THSD7B: variants seen among roughly 807,000 people sequenced by gnomAD.
The protein encoded by THSD7B is thrombospondin type 1 domain containing 7B.
Under a neutral mutation model 213.6 loss-of-function variants are expected in THSD7B, and 138 were observed. The ratio of observed to expected loss-of-function variants is 0.65; its 90% CI spans 0.56 to 0.74. The LOEUF is 0.74. Among genes scored for constraint, THSD7B ranks in the 30% least tolerant of loss-of-function variants. The pLI is 0.00. For missense variants in THSD7B, 1,931 were observed against 1,991.5 expected (o/e 0.97, Z 0.58); for synonymous variants, 742 against 687.0 (o/e 1.08, Z -1.25).
chr2:137,531,795 G>T (rs1680402663), intron 15 of THSD7B, among the ~76,000 whole-genome samples: 1 of 151,934 alleles, frequency 6.6e-6, no homozygotes, highest in Admixed American at 6.6e-5. Context: ...CCACTACCTA[G>T]TATCTAATGC....
At chr2:137,052,474 T>C (rs1050859913) in intron 2 of THSD7B, among the ~76,000 whole-genome samples, 3 of 152,124 alleles carry the variant, frequency 2.0e-5, no homozygotes, top group African/African-American at 7.2e-5. Context: ...ATATAAAAAT[T>C]CTTGACATTT....
chr2:137,548,767 C>T (rs1573700296), intron 15 of THSD7B, among the ~76,000 whole-genome samples: 1 of 152,026 alleles, frequency 6.6e-6, no homozygotes, highest in Non-Finnish European at 1.5e-5. Context: ...TAGGGCTACT[C>T]ATCCTTGTCC....
At chr2:137,211,877 T>C (rs536511142) in intron 7 of THSD7B, among the ~76,000 whole-genome samples, 18 of 152,246 alleles carry the variant, frequency 1.2e-4, no homozygotes. Context: ...GCCTTTGCTG[T>C]TAGTCTTTCA....
chr2:137,262,249 C>A (rs1356657274), intron 10 of THSD7B, among the ~76,000 whole-genome samples: 1 of 152,194 alleles, frequency 6.6e-6, no homozygotes, highest in East Asian at 1.9e-4. Flanking sequence ...GTGACAGCAT[C>A]TTCAGCTTCA....
chr2:136,830,888 G>T lies in THSD7B; in HGVS notation c.-35-51256G>T, dbSNP rs565552863. 5.9e-5 allele frequency among the ~76,000 whole-genome samples: 9 copies of T among 152,214 alleles called. No individual in the cohort carries two copies. In the South Asian group the frequency reaches 1.9e-3, roughly 32 times the overall value. On this transcript the variant is annotated intron_variant, in intron 1 of 27. Coordinates refer to ENST00000409968, the MANE Select transcript of THSD7B (RefSeq NM_001316349.2). ...CTTAAAATTAGGAGTTTGATCTTGG[G>T]ATAAGTGATCCATAAATCCCCCTTG...
At chr2:137,484,177 C>G (rs912855019) in intron 15 of THSD7B, among the ~76,000 whole-genome samples, 1 of 139,446 alleles carries the variant, frequency 7.2e-6, no homozygotes, top group Non-Finnish European at 1.5e-5. Flanking sequence ...CCCCTCCCCC[C>G]ACCACACAAC....
chr2:137,214,444 TTATTA>T (rs1450376607), intron 7 of THSD7B, among the ~76,000 whole-genome samples: 1 of 152,126 alleles, frequency 6.6e-6, no homozygotes, highest in Non-Finnish European at 1.5e-5. Context: ...ACATTTTTAT[TTATTA>T]TATTTTAAGT....
At chr2:137,592,829 C>T (rs545694296) in intron 17 of THSD7B, among the ~76,000 whole-genome samples, 33 of 152,058 alleles carry the variant, frequency 2.2e-4, no homozygotes, top group African/African-American at 7.5e-4. Flanking sequence ...ATCTAGTACA[C>T]TACAGGATCT....
chr2:137,550,175 T>C (rs1271436514), intron 15 of THSD7B, among the ~76,000 whole-genome samples: 1 of 151,998 alleles, frequency 6.6e-6, no homozygotes, highest in Non-Finnish European at 1.5e-5. Flanking sequence ...ATGTGGGCTT[T>C]ACAGTTCAAC....
chr2:137,171,102 G>C (rs758934881), intron 7 of THSD7B, among the ~76,000 whole-genome samples, 164 bp downstream of exon 7: 6 of 152,088 alleles, frequency 3.9e-5, no homozygotes, highest in Non-Finnish European at 5.9e-5. Flanking sequence ...AAAGTAAGGT[G>C]CCGTGACTTA....
chr2:137,168,688 G>T (rs915653130), intron 6 of THSD7B, among the ~76,000 whole-genome samples: 2 of 152,196 alleles, frequency 1.3e-5, no homozygotes. Context: ...AAGTTTCTGT[G>T]CTCAAGTCTG....
intron 5 of THSD7B, among the ~76,000 whole-genome samples, chr2:137,148,657 T>G (rs1386121352): frequency 2.0e-5 from 3 of 152,158 alleles, no homozygotes; most frequent in Non-Finnish European, 4.4e-5. Flanking sequence ...AAGAGCTTGT[T>G]GGGAACTGGA....
chr2:137,672,279 C>T (rs1291603371), intron 27 of THSD7B, among the ~76,000 whole-genome samples: 1 of 152,068 alleles, frequency 6.6e-6, no homozygotes, highest in Non-Finnish European at 1.5e-5. Context: ...AGTAATTGAT[C>T]CGTAGTGAAA....
intron 9 of THSD7B, among the ~76,000 whole-genome samples, chr2:137,234,150 C>T (rs375363904): frequency 3.3e-5 from 5 of 152,196 alleles, no homozygotes; most frequent in Admixed American, 3.3e-4. Context: ...GATTCTGATG[C>T]TCAGGAAGAA....
intron 5 of THSD7B, among the ~76,000 whole-genome samples, chr2:137,128,839 C>G (rs1688673958): frequency 6.6e-6 from 1 of 152,222 alleles, no homozygotes; most frequent in Non-Finnish European, 1.5e-5. Context: ...ATTCAAGTTT[C>G]AGAGGTTGGA....
intron 25 of THSD7B, among the ~76,000 whole-genome samples, chr2:137,661,151 T>C (rs1264753006): frequency 1.3e-5 from 2 of 152,146 alleles, no homozygotes; most frequent in Non-Finnish European, 2.9e-5. Flanking sequence ...CTTCCACTCT[T>C]CTCTATTGTC....
rs191516779 is a variant in THSD7B, at chr2:137,363,873, C to T, written c.2501-41740C>T. 2.4e-3 allele frequency among the ~76,000 whole-genome samples: 365 copies of T among 152,256 alleles called. 1 individual carries two copies. The highest frequency in any genetic ancestry group is 8.3e-3 in the African/African-American group (345 of 41,544). Reference sequence around the variant, plus strand: ...CCAATCAATAGAAAAAGGGGGAATCCCCCCTAACTCATTTTATGAGGCCAA... The same window carrying T: ...CCAATCAATAGAAAAAGGGGGAATCTCCCCTAACTCATTTTATGAGGCCAA... On this transcript the variant is annotated intron_variant, in intron 12 of 27. Coordinates refer to ENST00000409968, the MANE Select transcript of THSD7B (RefSeq NM_001316349.2).
chr2:137,182,963 T>A (rs935914192), intron 7 of THSD7B, among the ~76,000 whole-genome samples: 1 of 152,160 alleles, frequency 6.6e-6, no homozygotes, highest in Admixed American at 6.5e-5. Flanking sequence ...GGCATGTGAA[T>A]ACTGCTGCAG....
intron 10 of THSD7B, among the ~76,000 whole-genome samples, chr2:137,258,126 C>A (rs1682349850): frequency 6.6e-6 from 1 of 152,020 alleles, no homozygotes; most frequent in South Asian, 2.1e-4. Context: ...AAAATTATCC[C>A]CATTCAGAAT....
Sources: allele counts gnomAD v4.1 joint callset (sites outside exome capture counted in the v4.1 genomes callset), GRCh38; gene constraint gnomAD v4.1.1; transcripts MANE v1.5; gene names NCBI Gene and HGNC (gene_info 2026-07-23, HGNC 2026-07-21).